Variants in DDX31 observed in about 807,000 individuals in gnomAD.
DDX31 encodes ATP-dependent DNA helicase DDX31.
DDX31 carries 70 observed loss-of-function variants against 91.3 expected under a neutral mutation model. That is an observed-to-expected ratio of 0.77 (90% CI 0.63 to 0.94). The LOEUF (loss-of-function observed/expected upper bound fraction) is 0.94, where lower values mean the gene tolerates loss of function less well. Ranked by LOEUF, DDX31 falls within the 40% of genes least tolerant of loss-of-function variation. The pLI is 0.00. For synonymous variants in DDX31, 362 were observed against 350.6 expected (o/e 1.03, Z -0.36); for missense variants, 902 against 925.0 (o/e 0.98, Z 0.32).
intron 18 of DDX31, among the ~76,000 whole-genome samples, chr9:132,615,001 T>C (rs978597388): frequency 2.0e-5 from 3 of 152,116 alleles, no homozygotes; most frequent in South Asian, 2.1e-4. Flanking sequence ...GAAGTGCTCA[T>C]GTTGGCAGCG....
rs768178005 is a variant in DDX31, at chr9:132,658,659, T to C, written c.588+12A>G. On this transcript the variant is annotated intron_variant, in intron 6 of 19. Coordinates refer to ENST00000372159, the MANE Select transcript of DDX31 (RefSeq NM_022779.9). ...CTATGAGCAATGACAGAAAAACACA[T>C]TTGATACACACCTGTATTTTTGACT... 1.2e-6 allele frequency: 2 copies of C among 1,612,336 alleles called. No individual in the cohort carries two copies. Among genetic ancestry groups the C allele is most frequent in the Non-Finnish European group, 1.7e-6 (2 of 1,178,934 alleles).
chr9:132,653,976 GA>G (rs1251895816), intron 6 of DDX31, among the ~76,000 whole-genome samples: 1 of 151,914 alleles, frequency 6.6e-6, no homozygotes. Context: ...GTTGAGAATA[GA>G]ATCAAATAGA....
Position 132,648,437 on chromosome 9 carries a change from T to C in DDX31, c.855A>G (p.Ala285=). ...CATCCTGGGACGAGGCTCACCTGTC[T>C]GCTTCATCAAACACCAACCACCGCA... The part of the protein sequence containing the change: ...SRLRWLVFDE[A]DRILDLGFEK... Residue 285 remains alanine (A), a synonymous_variant, in exon 10 of 20, where the codon GCA becomes GCG. Transcript: ENST00000372159. 6.2e-7 allele frequency: 1 copy of C among 1,613,562 alleles called. No homozygotes were observed. Among genetic ancestry groups the C allele is most frequent in the Non-Finnish European group, 8.5e-7 (1 of 1,179,832 alleles).
intron 1 of DDX31, among the ~76,000 whole-genome samples, chr9:132,669,317 G>T (rs894299469): frequency 1.1e-4 from 14 of 131,036 alleles, no homozygotes; most frequent in Non-Finnish European, 1.7e-4. Flanking sequence ...ACATGTTTAG[G>T]GGTAATATTT....
chr9:132,610,645 T>G (rs1478811421), intron 19 of DDX31, among the ~76,000 whole-genome samples: 1 of 151,954 alleles, frequency 6.6e-6, no homozygotes, highest in Non-Finnish European at 1.5e-5. Flanking sequence ...CTTTTTTTTT[T>G]TCTGTAGAGA....
At chr9:132,657,118 C>A (rs1258185876) in intron 6 of DDX31, among the ~76,000 whole-genome samples, 1 of 152,164 alleles carries the variant, frequency 6.6e-6, no homozygotes, top group Non-Finnish European at 1.5e-5. Context: ...TTTCAAGTAA[C>A]AAAGCAAGAA....
In DDX31 at chr9:132,648,500, A is replaced by G; in HGVS notation, c.792T>C (p.Asp264=). 1 of 1,613,910 alleles carries G rather than the reference A, an allele frequency of 6.2e-7. No individual in the cohort carries two copies. The highest frequency in any genetic ancestry group is 8.5e-7 in the Non-Finnish European group (1 of 1,179,956). Residue 264 remains aspartate, a synonymous_variant, in exon 10 of 20, where the codon GAT becomes GAC. Transcript: ENST00000372159. ...ILISTPGRLV[D]HIKSTKNIHF... ...GAATGTTCTTTGTGGATTTTATATG[A>G]TCCACCAGGCGTCCAGGAGTTGAGA...
chr9:132,620,066 G>A (rs576000124), intron 17 of DDX31, among the ~76,000 whole-genome samples: 1 of 151,946 alleles, frequency 6.6e-6, no homozygotes, highest in Non-Finnish European at 1.5e-5. Flanking sequence ...ATTGAAAGCC[G>A]GGCAGCCAGG....
At chr9:132,604,025 T>C (rs1830867827) in intron 19 of DDX31, among the ~76,000 whole-genome samples, 1 of 152,146 alleles carries the variant, frequency 6.6e-6, no homozygotes. Flanking sequence ...ACAGCTGTAA[T>C]TAAACCAGAG....
At chr9:132,643,643 A>C (rs1347410100) in intron 13 of DDX31, among the ~76,000 whole-genome samples, 1 of 152,140 alleles carries the variant, frequency 6.6e-6, no homozygotes, top group Non-Finnish European at 1.5e-5. Context: ...TTCCAGAAGA[A>C]AAAAACTGAG....
intron 3 of DDX31, among the ~76,000 whole-genome samples, chr9:132,661,847 A>G (rs1033992147): frequency 1.3e-5 from 2 of 152,206 alleles, no homozygotes; most frequent in Non-Finnish European, 2.9e-5. Context: ...GTCCTTTAAC[A>G]GCAAGATGCC....
intron 6 of DDX31, among the ~76,000 whole-genome samples, chr9:132,657,820 T>G (rs529098196): frequency 6.6e-5 from 10 of 152,302 alleles, no homozygotes; most frequent in Non-Finnish European, 7.4e-5. Flanking sequence ...ACTGGCCTCC[T>G]AGGGAACTCA....
chr9:132,669,490 T>C, intron 1 of DDX31: 5 of 1,040,394 alleles, frequency 4.8e-6, no homozygotes, highest in Non-Finnish European at 6.5e-6. Context: ...AATCAGAGCT[T>C]AGTCCGCACT....
intron 19 of DDX31, among the ~76,000 whole-genome samples, chr9:132,610,667 T>C (rs1831274741): frequency 6.6e-6 from 1 of 151,956 alleles, no homozygotes; most frequent in Non-Finnish European, 1.5e-5. Flanking sequence ...AGGGTCTCGC[T>C]ATGTTGCCCA....
intron 14 of DDX31, chr9:132,638,261 A>T (rs2130718386): frequency 1.2e-6 from 2 of 1,601,692 alleles, no homozygotes; most frequent in African/African-American, 2.7e-5. Context: ...TGGCTTAGAA[A>T]CTCCATTTTC....
intron 12 of DDX31, 129 bp from the exon 13 acceptor site, chr9:132,646,200 T>C (rs1157853346): frequency 2.9e-6 from 3 of 1,052,480 alleles, no homozygotes; most frequent in Non-Finnish European, 4.0e-6. Flanking sequence ...CTTTGAATTA[T>C]TTAAAAAAAC....
At chr9:132,645,650 G>C (rs1833783019) in intron 13 of DDX31, among the ~76,000 whole-genome samples, 1 of 152,122 alleles carries the variant, frequency 6.6e-6, no homozygotes, top group African/African-American at 2.4e-5. Flanking sequence ...GGGTGGAAGA[G>C]ACCAGCTCCC....
At chr9:132,642,834 A>ATTT (rs764596713) in intron 13 of DDX31, among the ~76,000 whole-genome samples, 1 of 142,560 alleles carries the variant, frequency 7.0e-6, no homozygotes, top group Non-Finnish European at 1.5e-5. Context: ...GTTGTCTCTG[A>ATTT]TTTTTTTTTT....
At chr9:132,610,373 TTC>T (rs569073333) in intron 19 of DDX31, among the ~76,000 whole-genome samples, 7 of 152,316 alleles carry the variant, frequency 4.6e-5, no homozygotes, top group East Asian at 3.9e-4. Flanking sequence ...TAGAAACAGT[TTC>T]TGTTTGTTTT....
Sources: gnomAD v4.1 joint callset for allele counts (sites outside exome capture counted in the v4.1 genomes callset) on GRCh38, gnomAD v4.1.1 for gene constraint, MANE v1.5 for transcripts, NCBI Gene and HGNC (gene_info 2026-07-23, HGNC 2026-07-21) for gene names.